The following HS6ST2 variants were observed in gnomAD, a reference collection of about 807,000 sequenced individuals.
The protein encoded by HS6ST2 is heparan sulfate 6-O-sulfotransferase 2.
In HS6ST2, 17 loss-of-function variants were observed where a neutral mutation model predicts 33.0. The ratio of observed to expected loss-of-function variants is 0.52; its 90% CI spans 0.35 to 0.77. The LOEUF (loss-of-function observed/expected upper bound fraction) is 0.77. Among genes scored for constraint, HS6ST2 ranks in the 30% least tolerant of loss-of-function variants. The probability of loss-of-function intolerance (pLI) is 0.01; values close to 1 mark genes in which losing one functional copy is unlikely to be tolerated. For synonymous variants in HS6ST2, 248 were observed against 237.1 expected (o/e 1.05, Z -0.42); for missense variants, 519 against 551.7 (o/e 0.94, Z 0.59).
chrX:132,667,205 G>A (rs1340742202), intron 4 of HS6ST2, among the ~76,000 whole-genome samples: 1 of 111,962 alleles, frequency 8.9e-6, no homozygotes, highest in Non-Finnish European at 1.9e-5. Flanking sequence ...GGACTAAGAG[G>A]AGGAGAACAG....
intron 3 of HS6ST2, among the ~76,000 whole-genome samples, chrX:132,686,759 A>G (rs1195798948): frequency 1.8e-5 from 2 of 111,672 alleles, no homozygotes; most frequent in African/African-American, 6.5e-5. Flanking sequence ...GTACAATAAT[A>G]TTTTTTATAA....
At chrX:132,660,862 T>G (rs1222680964) in intron 4 of HS6ST2, among the ~76,000 whole-genome samples, 1 of 112,155 alleles carries the variant, frequency 8.9e-6, no homozygotes, top group Non-Finnish European at 1.9e-5. Flanking sequence ...GAAAGAGGTT[T>G]AATTGACTAC....
intron 2 of HS6ST2, among the ~76,000 whole-genome samples, chrX:132,766,306 A>G (rs1285808699): frequency 2.7e-5 from 3 of 112,497 alleles, no homozygotes; most frequent in Non-Finnish European, 5.6e-5. Flanking sequence ...TTCATTTTAT[A>G]TTTTGAAATG....
At chrX:132,849,763 T>C (rs987043326) in intron 2 of HS6ST2, among the ~76,000 whole-genome samples, 1 of 112,104 alleles carries the variant, frequency 8.9e-6, no homozygotes, top group Non-Finnish European at 1.9e-5. Context: ...AAACTGCCTA[T>C]GACAACATCA....
At chrX:132,880,396 C>T (rs2066154314) in intron 2 of HS6ST2, among the ~76,000 whole-genome samples, 1 of 108,896 alleles carries the variant, frequency 9.2e-6, no homozygotes, top group African/African-American at 3.3e-5. Flanking sequence ...ATTAGCTGGG[C>T]GTGGTGGCAT....
At chrX:132,845,863 G>T (rs968260669) in intron 2 of HS6ST2, among the ~76,000 whole-genome samples, 1 of 111,374 alleles carries the variant, frequency 9.0e-6, no homozygotes, top group Non-Finnish European at 1.9e-5. Context: ...GCCCCTAACA[G>T]AATAAAAGTC....
At chrX:132,903,453 A>T (rs949621344) in intron 2 of HS6ST2, among the ~76,000 whole-genome samples, 8 of 112,085 alleles carry the variant, frequency 7.1e-5, no homozygotes, top group African/African-American at 2.3e-4. Context: ...CATAAAATTC[A>T]CATAGAACTA....
At chrX:132,637,977 T>TAC (rs1359627525) in intron 4 of HS6ST2, among the ~76,000 whole-genome samples, 1 of 79,128 alleles carries the variant, frequency 1.3e-5, no homozygotes, top group African/African-American at 4.7e-5. Context: ...TTTATATATA[T>TAC]ATATAAAAGT....
intron 2 of HS6ST2, among the ~76,000 whole-genome samples, chrX:132,871,452 A>T (rs1321844020): frequency 8.9e-6 from 1 of 112,265 alleles, no homozygotes; most frequent in Non-Finnish European, 1.9e-5. Flanking sequence ...AGGGTAATAA[A>T]TCATTCTACT....
chrX:132,638,295 G>A (rs1009236781), intron 4 of HS6ST2, among the ~76,000 whole-genome samples: 2 of 110,536 alleles, frequency 1.8e-5, no homozygotes, highest in African/African-American at 6.6e-5. Context: ...TTCTGATGGA[G>A]CTGGACCCCT....
At chrX:132,756,868 C>G (rs887238283) in intron 2 of HS6ST2, among the ~76,000 whole-genome samples, 3 of 103,980 alleles carry the variant, frequency 2.9e-5, no homozygotes, top group Admixed American at 2.1e-4. Flanking sequence ...TTTTCAGTAC[C>G]CGAGAGTCAT....
At chrX:132,723,296 G>A (rs1169264991) in intron 2 of HS6ST2, among the ~76,000 whole-genome samples, 1 of 111,812 alleles carries the variant, frequency 8.9e-6, no homozygotes, top group Admixed American at 9.5e-5. Context: ...GGGAAATAGA[G>A]GAAGAGGGAA....
At chrX:132,668,290 C>G (rs1438629933) in intron 4 of HS6ST2, 6 of 111,247 alleles carry the variant, frequency 5.4e-5, no homozygotes, top group African/African-American at 2.0e-4. Context: ...GCTGGGTGCT[C>G]TTTCTGGACT....
intron 2 of HS6ST2, among the ~76,000 whole-genome samples, chrX:132,894,123 G>GT (rs766095383): frequency 0.013 from 1,181 of 93,045 alleles, 10 homozygotes; most frequent in African/African-American, 0.034. Context: ...TGGGTTTCAG[G>GT]TTTTTTTTTT....
At chrX:132,670,595 C>G (rs772346302) in intron 3 of HS6ST2, among the ~76,000 whole-genome samples, 1 of 111,211 alleles carries the variant, frequency 9.0e-6, no homozygotes, top group African/African-American at 3.3e-5. Context: ...GTCAGGAGTT[C>G]GAGACCAGCC....
At chrX:132,832,348 T>A (rs972753154) in intron 2 of HS6ST2, among the ~76,000 whole-genome samples, 4 of 112,001 alleles carry the variant, frequency 3.6e-5, no homozygotes, top group Admixed American at 9.5e-5. Flanking sequence ...TTATTAAAAA[T>A]TTTTTTATCA....
intron 2 of HS6ST2, among the ~76,000 whole-genome samples, chrX:132,895,886 G>A (rs1328219682): frequency 9.0e-6 from 1 of 110,799 alleles, no homozygotes; most frequent in Non-Finnish European, 1.9e-5. Flanking sequence ...TGCAACTCAG[G>A]TGCCTCTTTT....
In HS6ST2 at chrX:132,630,525, C is replaced by G. The variant is rs1032249147; in HGVS notation, c.1068-1432G>C. 5.4e-5 allele frequency among the ~76,000 whole-genome samples: 6 copies of G among 112,032 alleles called. No individual in the cohort carries two copies. In the East Asian group the frequency reaches 1.7e-3, roughly 31 times the overall value. ...TTCCCTCTTTGGCTGGAAAATTCTA[C>G]TCATCCTTCAATACCAGTTCAAGTA... On this transcript the variant is annotated intron_variant, in intron 4 of 4. Coordinates refer to ENST00000370833, the MANE Select transcript of HS6ST2 (RefSeq NM_001394073.1).
chrX:132,719,598 T>A (rs915118345), intron 2 of HS6ST2, among the ~76,000 whole-genome samples: 4 of 112,090 alleles, frequency 3.6e-5, no homozygotes, highest in African/African-American at 1.3e-4. Flanking sequence ...TTGATCTGAC[T>A]CCAAAGCCTA....
Sources: gnomAD v4.1 joint callset for allele counts (sites outside exome capture counted in the v4.1 genomes callset) on GRCh38, gnomAD v4.1.1 for gene constraint, MANE v1.5 for transcripts, NCBI Gene and HGNC (gene_info 2026-07-23, HGNC 2026-07-21) for gene names.